STAT5B: variants seen among roughly 807,000 people sequenced by gnomAD.
STAT5B encodes transcription factor STAT5B.
In STAT5B, 21 loss-of-function variants were observed where a neutral mutation model predicts 107.8. That is an observed-to-expected ratio of 0.19 (90% CI 0.14 to 0.28). The LOEUF (loss-of-function observed/expected upper bound fraction) is 0.28. Among genes scored for constraint, STAT5B ranks in the 10% least tolerant of loss-of-function variants. The pLI is 1.00. For synonymous variants in STAT5B, 325 were observed against 401.7 expected (o/e 0.81, Z 2.28); for missense variants, 565 against 1,008.2 (o/e 0.56, Z 5.95).
chr17:42,212,800 A>T (rs1272482862), intron 12 of STAT5B, among the ~76,000 whole-genome samples: 1 of 152,204 alleles, frequency 6.6e-6, no homozygotes, highest in East Asian at 1.9e-4. Context: ...ACTTTTTTCA[A>T]TAGGTGATTT....
chr17:42,264,460 T>C (rs2080649318), intron 1 of STAT5B, among the ~76,000 whole-genome samples: 1 of 150,714 alleles, frequency 6.6e-6, no homozygotes. Context: ...ATGTGGTGTT[T>C]GGTTTTTTGT....
At chr17:42,266,184 T>G (rs1348927419) in intron 1 of STAT5B, among the ~76,000 whole-genome samples, 1 of 152,006 alleles carries the variant, frequency 6.6e-6, no homozygotes, top group African/African-American at 2.4e-5. Flanking sequence ...AAAACTGGAA[T>G]GTAATGTTAA....
At chr17:42,238,142 CCA>C (rs879411802) in intron 1 of STAT5B, among the ~76,000 whole-genome samples, 1 of 134,966 alleles carries the variant, frequency 7.4e-6, no homozygotes, top group Non-Finnish European at 1.6e-5. Context: ...ATCCATCCAT[CCA>C]TCCATCCGAG....
upstream of STAT5B, among the ~76,000 whole-genome samples, chr17:42,280,898 G>T (rs2080792625): frequency 6.6e-6 from 1 of 152,132 alleles, no homozygotes; most frequent in African/African-American, 2.4e-5. Flanking sequence ...ACTTTGGGAG[G>T]CCGAGGCGGG....
upstream of STAT5B, among the ~76,000 whole-genome samples, chr17:42,277,289 A>T (rs1025865695): frequency 1.3e-5 from 2 of 152,120 alleles, no homozygotes; most frequent in Non-Finnish European, 2.9e-5. Context: ...AGCAAGACAT[A>T]GGAAAGCTCC....
At chr17:42,264,543 T>G (rs2144408083) in intron 1 of STAT5B, among the ~76,000 whole-genome samples, 1 of 152,188 alleles carries the variant, frequency 6.6e-6, no homozygotes, top group Non-Finnish European at 1.5e-5. Context: ...GAACTCATCA[T>G]TTTTTATGGC....
chr17:42,263,868 C>T (rs893888575), intron 1 of STAT5B, among the ~76,000 whole-genome samples: 1 of 75,022 alleles, frequency 1.3e-5, no homozygotes, highest in South Asian at 4.6e-4. Flanking sequence ...TACTAGAAAG[C>T]GCGCACACAC....
At position 42,216,103 on chromosome 17, in the gene STAT5B, G is replaced by A. The variant is rs770018533; in HGVS notation, c.1384C>T (p.Leu462=). The change falls in exon 12 of 19, where the codon CTG becomes TTG. Residue 462 remains leucine (L), a synonymous_variant. Coordinates refer to ENST00000293328, the MANE Select transcript of STAT5B (RefSeq NM_012448.4). ...GNELVFQVKT[L]SLPVVVIVHG... is the part of the protein sequence containing the mutation. ...ACGATCACCACCACTGGCAGGGACA[G>A]GGTCTAAAAAGACACAAGAGAAGGC... 2 of 1,612,872 alleles carry A rather than the reference G, an allele frequency of 1.2e-6. No individual in the cohort carries two copies. Among genetic ancestry groups the A allele is most frequent in the South Asian group, 1.1e-5 (1 of 90,860 alleles).
chr17:42,216,670 A>T (rs1203575186), intron 11 of STAT5B, among the ~76,000 whole-genome samples: 10 of 149,190 alleles, frequency 6.7e-5, no homozygotes, highest in African/African-American at 2.5e-4. Context: ...GAGCCACTGC[A>T]CTGGGCCTTG....
In STAT5B at chr17:42,217,188, C is replaced by T; in HGVS notation, c.1352G>A (p.Gly451Asp). 1.9e-6 allele frequency: 3 copies of T among 1,613,830 alleles called. No individual in the cohort carries two copies. The highest frequency in any genetic ancestry group is 2.2e-5 in the East Asian group (1 of 44,878). ...GACTTGAAAAACCAGCTCATTTCCACCAACACTGAACTGGGATTCAAACAG... is the reference window on the plus strand; with the variant it reads ...GACTTGAAAAACCAGCTCATTTCCATCAACACTGAACTGGGATTCAAACAG... ...TILFESQFSVGGNELVFQVKT... is the reference protein window; with the variant it reads ...TILFESQFSVDGNELVFQVKT... The change falls in exon 11 of 19, where the codon GGT becomes GAT. Residue 451 changes from glycine to aspartate, a missense_variant. Physicochemically the swap from Gly to Asp is moderately conservative, Grantham distance 94. This residue lies in a region of STAT5B where 127 missense variants were observed against 215.8 expected (regional missense o/e 0.59). Coordinates refer to ENST00000293328, the MANE Select transcript of STAT5B (RefSeq NM_012448.4).
intron 5 of STAT5B, 129 bp from the exon 6 acceptor site, chr17:42,219,971 G>A (rs993539080): frequency 8.9e-6 from 13 of 1,468,114 alleles, no homozygotes; most frequent in Middle Eastern, 1.8e-4. Context: ...GCAAGTCGGG[G>A]TTCCTGACAG....
chr17:42,218,501 A>C (rs1184509043), intron 8 of STAT5B, among the ~76,000 whole-genome samples, 171 bp from the exon 9 acceptor site: 1 of 151,920 alleles, frequency 6.6e-6, no homozygotes, highest in Admixed American at 6.6e-5. Flanking sequence ...GAGGATGGAG[A>C]GGGGAGTGAG....
chr17:42,237,594 GAAT>G (rs2080366826), intron 1 of STAT5B, among the ~76,000 whole-genome samples: 2 of 151,962 alleles, frequency 1.3e-5, no homozygotes, highest in Admixed American at 6.6e-5. Context: ...GGGTTAATAT[GAAT>G]AATATTATGC....
At position 42,218,876 on chromosome 17, in the gene STAT5B, C is replaced by T. The variant is rs2080198017; in HGVS notation, c.836G>A (p.Cys279Tyr). The change falls in exon 8 of 19, where the codon TGT (cysteine) becomes TAT (tyrosine). Residue 279 changes from cysteine to tyrosine, a missense_variant and splice_region_variant. Physicochemically the swap from Cys to Tyr is radical, Grantham distance 194 (BLOSUM62 -2). This residue lies in a region of STAT5B where 5 missense variants were observed against 54.8 expected (regional missense o/e 0.09). Transcript: ENST00000293328. ...EGSLDVLQSW[C>Y]EKLAEIIWQN... ...CCAGATGATCTCGGCCAACTTCTCA[C>T]ACCTGCACGAGAGCCCCAAGGCCAA... 6.2e-7 allele frequency: 1 copy of T among 1,613,696 alleles called. No individual in the cohort carries two copies. The highest frequency in any genetic ancestry group is 1.7e-5 in the Admixed American group (1 of 59,994).
At chr17:42,279,585 C>T (rs189338779), upstream of STAT5B, among the ~76,000 whole-genome samples, 341 of 152,162 alleles carry the variant, frequency 2.2e-3, no homozygotes, top group African/African-American at 7.9e-3. Context: ...ATCGGGAGTT[C>T]GAGACCAGCC....
chr17:42,275,462 T>G (rs1466318683), intron 1 of STAT5B: 1 of 152,278 alleles, frequency 6.6e-6, no homozygotes, highest in African/African-American at 2.4e-5. Context: ...CAACCGCCTC[T>G]TGCTCCGTGT....
chr17:42,249,722 G>A (rs192986651), intron 1 of STAT5B, among the ~76,000 whole-genome samples: 8 of 152,130 alleles, frequency 5.3e-5, no homozygotes, highest in Admixed American at 3.3e-4. Context: ...GTGCAGTGGC[G>A]TGATCTCAGC....
intron 2 of STAT5B, 147 bp downstream of exon 2, chr17:42,231,851 GAA>G: frequency 8.2e-7 from 1 of 1,216,956 alleles, no homozygotes; most frequent in Non-Finnish European, 1.1e-6. Flanking sequence ...CCTATAAAAA[GAA>G]AAAAAATTTT....
upstream of STAT5B, chr17:42,276,418 G>A (rs1451518229): frequency 6.8e-6 from 1 of 146,422 alleles, no homozygotes; most frequent in Non-Finnish European, 1.5e-5. This position sits in a 1 kb window ranked among gnomAD's most constrained non-coding sequence, Gnocchi z 4.8. Context: ...GGGCCCGCGG[G>A]GGCGCGCGCG....
Sources: gnomAD v4.1 joint callset for allele counts (sites outside exome capture counted in the v4.1 genomes callset) on GRCh38, gnomAD v4.1.1 for gene constraint, gnomAD v4.1.1 regional missense constraint, Gnocchi (gnomAD v3.1) non-coding constraint, MANE v1.5 for transcripts, NCBI Gene and HGNC (gene_info 2026-07-23, HGNC 2026-07-21) for gene names.